The following EPS8L3 variants were observed in gnomAD, a reference collection of about 807,000 sequenced individuals.
EPS8L3 encodes the protein EPS8 signaling adaptor L3, also known as epidermal growth factor receptor kinase substrate 8-like protein 3.
EPS8L3 carries 80 observed loss-of-function variants against 88.5 expected under a neutral mutation model. The ratio of observed to expected loss-of-function variants is 0.90; its 90% CI spans 0.75 to 1.09. EPS8L3 has a LOEUF of 1.09. EPS8L3 is among the 50% of genes least tolerant of loss of function. EPS8L3 has a pLI of 0.00. For synonymous variants in EPS8L3, 286 were observed against 291.0 expected (o/e 0.98, Z 0.18); for missense variants, 721 against 735.2 (o/e 0.98, Z 0.22).
chr1:109,761,872 T>C (rs960224878), intron 1 of EPS8L3, 99 bp from the exon 2 acceptor site: 1 of 1,075,750 alleles, frequency 9.3e-7, no homozygotes, highest in Non-Finnish European at 1.4e-6. Context: ...ACTGGGGGCC[T>C]CTGGGACCAG....
chr1:109,757,540 A>G lies in EPS8L3; in HGVS notation c.910T>C (p.Trp304Arg). ...TCAGGGGCACTTGTCTCCTTCAGCC[A>G]GGTGGCCAGCCTTCCCTGGGGACAC... ...SFNLLGRLAT[W>R]LKETSAPELV... The change falls in exon 11 of 19, where the codon TGG (tryptophan) becomes CGG (arginine). Residue 304 changes from tryptophan to arginine, a missense_variant. Coordinates refer to ENST00000361965, the MANE Select transcript of EPS8L3 (RefSeq NM_133181.4). The G allele has an allele frequency of 6.2e-7, 1 of 1,614,062 alleles. No individual in the cohort carries two copies. Among genetic ancestry groups the G allele is most frequent in the Non-Finnish European group, 8.5e-7 (1 of 1,179,964 alleles).
At position 109,752,668 on chromosome 1, in the gene EPS8L3, A is replaced by G. The variant is rs754315225; in HGVS notation, c.1235+18T>C. On this transcript the variant is annotated intron_variant, in intron 14 of 18. Coordinates refer to ENST00000361965, the MANE Select transcript of EPS8L3 (RefSeq NM_133181.4). ...CCCTCCCCAGGACCACGCAGTCCCT[A>G]TTAAGCTCAGAGCATACCGAAGGGA... 3.9e-6 allele frequency: 6 copies of G among 1,550,254 alleles called. No individual in the cohort carries two copies. Among genetic ancestry groups the G allele is most frequent in the Non-Finnish European group, 5.2e-6 (6 of 1,145,858 alleles).
At position 109,752,001 on chromosome 1, in the gene EPS8L3, C is replaced by T; in HGVS notation, c.1428G>A (p.Lys476=). ...PRELTVVQGE[K]LEVLDHSKRW... is the part of the protein sequence containing the mutation. ...CCTATGGCCCAAGCCTCACCTCCAGCTTCTCTCCCTGGACCACAGTCAGTT... is the reference window on the plus strand; with the variant it reads ...CCTATGGCCCAAGCCTCACCTCCAGTTTCTCTCCCTGGACCACAGTCAGTT... Residue 476 remains lysine, a synonymous_variant, in exon 15 of 19, where the codon AAG becomes AAA. Coordinates refer to ENST00000361965, the MANE Select transcript of EPS8L3 (RefSeq NM_133181.4). The T allele has an allele frequency of 6.2e-7, 1 of 1,604,568 alleles. No homozygotes were observed. The highest frequency in any genetic ancestry group is 8.5e-7 in the Non-Finnish European group (1 of 1,174,622).
Position 109,757,846 on chromosome 1 carries a change from A to G in EPS8L3, c.850T>C (p.Tyr284His). ...TTGATCTTCTGGAAGCAGTCAATGTACTGTGCCTGGGTGAGACCTGGGAGA... is the reference window on the plus strand; with the variant it reads ...TTGATCTTCTGGAAGCAGTCAATGTGCTGTGCCTGGGTGAGACCTGGGAGA... ...KDQGGLTQAQ[Y>H]IDCFQKIKHS... Residue 284 changes from tyrosine (Y) to histidine (H), a missense_variant, in exon 10 of 19, where the codon TAC becomes CAC. Physicochemically the swap from Tyr to His is moderately conservative, Grantham distance 83. Coordinates refer to ENST00000361965, the MANE Select transcript of EPS8L3 (RefSeq NM_133181.4). The G allele has an allele frequency of 6.2e-7, 1 of 1,614,174 alleles. No individual in the cohort carries two copies. Among genetic ancestry groups the G allele is most frequent in the Non-Finnish European group, 8.5e-7 (1 of 1,180,022 alleles).
chr1:109,761,607 T>C (rs1300491555), intron 2 of EPS8L3, 48 bp from the exon 3 acceptor site: 1 of 1,608,002 alleles, frequency 6.2e-7, no homozygotes, highest in Non-Finnish European at 8.5e-7. Flanking sequence ...AAGAACGAGG[T>C]GAGACTCAGG....
intron 12 of EPS8L3, among the ~76,000 whole-genome samples, chr1:109,755,878 T>C (rs1650241931): frequency 6.6e-6 from 1 of 152,250 alleles, no homozygotes; most frequent in South Asian, 2.1e-4. Flanking sequence ...CATTTCCCTG[T>C]TGGCTTTTCT....
At chr1:109,757,408 G>A (rs1570691627) in intron 11 of EPS8L3, 73 bp downstream of exon 11, 1 of 1,444,248 alleles carries the variant, frequency 6.9e-7, no homozygotes, top group East Asian at 2.3e-5. Flanking sequence ...CCCTCCACCA[G>A]CTCCTTTCCT....
In EPS8L3 at chr1:109,759,871, A is replaced by G; in HGVS notation, c.97-35T>C. The G allele has an allele frequency of 1.2e-6, 2 of 1,607,230 alleles. No individual in the cohort carries two copies. The highest frequency in any genetic ancestry group is 1.3e-5 in the African/African-American group (1 of 74,930). On this transcript the variant is annotated intron_variant, in intron 3 of 18. Transcript: ENST00000361965. The surrounding 1 kb of genome is among the most constrained non-coding windows in gnomAD (Gnocchi z 4.2). The stretch of plus-strand genomic sequence containing the variant: ...GAGGGGGAGTCCTAGGACTGGGAGA[A>G]AGCTCAGAGAGGTGGACCACAGGCG...
intron 12 of EPS8L3, among the ~76,000 whole-genome samples, chr1:109,754,899 A>G (rs1231536873): frequency 6.6e-6 from 1 of 152,236 alleles, no homozygotes; most frequent in Non-Finnish European, 1.5e-5. Flanking sequence ...GAACTCTGGT[A>G]TGAGATGGGA....
In EPS8L3 at chr1:109,750,138, C is replaced by T. The variant is rs1031681218; in HGVS notation, c.*253G>A. ...GGGACTGAACAGATTCTTGACAAGC[C>T]TAGGCATAAATGCTCCAGGTTTGGG... On this transcript the variant is annotated 3_prime_UTR_variant, in exon 19 of 19. Coordinates refer to ENST00000361965, the MANE Select transcript of EPS8L3 (RefSeq NM_133181.4). The T allele has an allele frequency of 4.4e-5, 25 of 573,498 alleles. No homozygotes were observed. The highest frequency in any genetic ancestry group is 7.8e-5 in the Non-Finnish European group (25 of 321,952). 35.5% of individuals were successfully genotyped at this position (573,498 alleles called of 1,614,324 possible).
rs549715169 is a variant in EPS8L3, at chr1:109,759,561, G to A, written c.255+117C>T. On this transcript the variant is annotated intron_variant, in intron 4 of 18. Transcript: ENST00000361965. The surrounding 1 kb of genome is among the most constrained non-coding windows in gnomAD (Gnocchi z 4.2). ...CCTGTCTCTTCCTAGGCTTGGGTGT[G>A]TGTTGTATGTGGGGAGAGTGGCTGC... is the stretch of plus-strand genomic sequence containing the variant. 1 of 1,483,544 alleles carries A rather than the reference G, an allele frequency of 6.7e-7. No homozygotes were observed. Among genetic ancestry groups the A allele is most frequent in the African/African-American group, 1.4e-5 (1 of 71,984 alleles). 91.9% of individuals were successfully genotyped at this position (1,483,544 alleles called of 1,614,324 possible). A position where few individuals can be genotyped will look rare whatever the true frequency, so the allele number is the denominator to read the frequency against.
intron 3 of EPS8L3, among the ~76,000 whole-genome samples, chr1:109,760,984 C>T (rs529050640): frequency 5.9e-5 from 9 of 152,270 alleles, no homozygotes; most frequent in Admixed American, 2.0e-4. Context: ...CTTGGAGCAG[C>T]CTCGGAGCTG....
rs777457983 is a variant in EPS8L3, at chr1:109,759,013, G to A, written c.461+49C>T. On this transcript the variant is annotated intron_variant, in intron 6 of 18. Coordinates refer to ENST00000361965, the MANE Select transcript of EPS8L3 (RefSeq NM_133181.4). This position sits in a 1 kb window ranked among gnomAD's most constrained non-coding sequence, Gnocchi z 4.2. ...GATATGGGGTCAGGGTCTGGCCCCC[G>A]AGGCTGAGCTGGGAGGCCCCATAGG... 1.3e-5 allele frequency: 20 copies of A among 1,550,796 alleles called. No homozygotes were observed. The highest frequency in any genetic ancestry group is 1.3e-4 in the South Asian group (11 of 85,796).
intron 11 of EPS8L3, 142 bp downstream of exon 11, chr1:109,757,339 G>A (rs1650384053): frequency 1.8e-6 from 2 of 1,125,656 alleles, no homozygotes; most frequent in Non-Finnish European, 2.5e-6. Context: ...TAGAGCCTTG[G>A]CGTCCTTGGC....
Position 109,753,100 on chromosome 1 carries a change from T to A in EPS8L3, c.1200+17A>T. On this transcript the variant is annotated intron_variant, in intron 13 of 18. Coordinates refer to ENST00000361965, the MANE Select transcript of EPS8L3 (RefSeq NM_133181.4). ...GACTAGGGCTGTGGGTAGGGCTCTA[T>A]GCCAAGCTCCCCTTACTTGGCTGGA... 6.2e-7 allele frequency: 1 copy of A among 1,606,492 alleles called. No individual in the cohort carries two copies. The highest frequency in any genetic ancestry group is 8.5e-7 in the Non-Finnish European group (1 of 1,173,496).
intron 12 of EPS8L3, among the ~76,000 whole-genome samples, chr1:109,754,114 T>C (rs1308476921): frequency 1.3e-5 from 2 of 150,774 alleles, no homozygotes; most frequent in Non-Finnish European, 2.9e-5. Context: ...ACCCTAATAC[T>C]ACTCCGTATA....
At chr1:109,751,126 C>T (rs1337499337) in intron 17 of EPS8L3, 152 bp downstream of exon 17, 18 of 689,772 alleles carry the variant, frequency 2.6e-5, no homozygotes, top group East Asian at 1.1e-4. Context: ...GGCTTGGACA[C>T]GCCTCTGCTC....
At chr1:109,751,474 G>C (rs1278192593) in intron 16 of EPS8L3, 123 bp from the exon 17 acceptor site, 1 of 1,355,292 alleles carries the variant, frequency 7.4e-7, no homozygotes, top group Admixed American at 1.9e-5. Context: ...TGGCTTTCTG[G>C]TCTGGCAGGG....
Position 109,758,664 on chromosome 1 carries a change from C to T in EPS8L3, c.462-1G>A. 1 of 1,571,774 alleles carries T rather than the reference C, an allele frequency of 6.4e-7. No homozygotes were observed. On this transcript the variant is annotated splice_acceptor_variant, in intron 6 of 18. Coordinates refer to ENST00000361965, the MANE Select transcript of EPS8L3 (RefSeq NM_133181.4). LOFTEE classifies it high-confidence loss of function. ...TGGCTGAAGGCCTCCAAGTCGAGGT[C>T]TGCTGAGGACATGGTAGGGGCCACA... is the stretch of plus-strand genomic sequence containing the variant.
Sources: allele counts gnomAD v4.1 joint callset (sites outside exome capture counted in the v4.1 genomes callset), GRCh38; gene constraint gnomAD v4.1.1; non-coding constraint Gnocchi (gnomAD v3.1); transcripts MANE v1.5; gene names NCBI Gene and HGNC (gene_info 2026-07-23, HGNC 2026-07-21).